The following GALNT5 variants were observed in gnomAD, a reference collection of about 807,000 sequenced individuals.
GALNT5 encodes the protein polypeptide N-acetylgalactosaminyltransferase 5, also known as UDP-GalNAc:polypeptide N-acetylgalactosaminyltransferase 5.
Under a neutral mutation model 85.4 loss-of-function variants are expected in GALNT5, and 72 were observed. The observed-to-expected ratio is 0.84, with a 90% confidence interval of 0.70 to 1.03. The LOEUF is 1.03. Ranked by LOEUF, GALNT5 falls within the 50% of genes least tolerant of loss-of-function variation. GALNT5 has a pLI of 0.00. For missense variants in GALNT5, 1,137 were observed against 1,135.5 expected, an observed-to-expected ratio of 1.00 and a Z score of -0.02; for synonymous variants, 404 against 397.0, an observed-to-expected ratio of 1.02 and a Z score of -0.21.
At position 157,257,986 on chromosome 2, in the gene GALNT5, T is replaced by TCTG. The variant is rs138788414; in HGVS notation, c.-73_-71dup. The stretch of plus-strand genomic sequence containing the variant: ...GGGGAGGGGGTCACTTTCTGGCAAC[T>TCTG]CTGCTGCTGCTGCTGCTGCTGCTGC... On this transcript the variant is annotated 5_prime_UTR_variant, in exon 1 of 10. Transcript: ENST00000259056. 2,358 of 1,319,854 alleles carry TCTG rather than the reference T, an allele frequency of 1.8e-3. 11 individuals are homozygous for TCTG. In the African/African-American group the frequency reaches 0.023, roughly 13 times the overall value. The allele number at this position is 1,319,854 out of a possible 1,614,324, so 81.8% of individuals were successfully genotyped here.
chr2:157,285,064 C>T (rs1682941456), intron 2 of GALNT5, among the ~76,000 whole-genome samples: 2 of 152,178 alleles, frequency 1.3e-5, no homozygotes, highest in African/African-American at 4.8e-5. Context: ...GGTCTGACAG[C>T]CACATTACAA....
intron 3 of GALNT5, among the ~76,000 whole-genome samples, chr2:157,294,624 G>C (rs1683170395): frequency 6.6e-6 from 1 of 152,050 alleles, no homozygotes. Context: ...CACACTGGCT[G>C]GGCACCAAGT....
At chr2:157,288,041 C>T (rs972873258) in intron 3 of GALNT5, among the ~76,000 whole-genome samples, 3 of 152,182 alleles carry the variant, frequency 2.0e-5, no homozygotes, top group Admixed American at 6.5e-5. Flanking sequence ...CCCCAGAGTC[C>T]GTCCTCTTAT....
chr2:157,292,481 G>C (rs1683121764), intron 3 of GALNT5, among the ~76,000 whole-genome samples: 3 of 152,228 alleles, frequency 2.0e-5, no homozygotes, highest in African/African-American at 7.2e-5. Flanking sequence ...AGCAGATGCT[G>C]CTTCCCTTAG....
chr2:157,316,422 C>A lies in GALNT5; in HGVS notation c.*5074C>A, dbSNP rs1236178964. Among the ~76,000 whole-genome samples the A allele has an allele frequency of 6.6e-6, 1 of 150,662 alleles. No individual in the cohort carries two copies. The highest frequency in any genetic ancestry group is 2.4e-5 in the African/African-American group (1 of 40,888). On this transcript the variant is annotated 3_prime_UTR_variant, in exon 10 of 10. Transcript: ENST00000259056. Reference sequence around the variant, plus strand: ...GTATTAATATTACCAACCCTTGATCCCTCCAACCTTTAATCAAAGCTAGCA... The same window carrying A: ...GTATTAATATTACCAACCCTTGATCACTCCAACCTTTAATCAAAGCTAGCA...
chr2:157,270,609 C>T (rs1682561888), intron 1 of GALNT5, among the ~76,000 whole-genome samples: 1 of 152,162 alleles, frequency 6.6e-6, no homozygotes, highest in South Asian at 2.1e-4. Flanking sequence ...GCTTTAAGTT[C>T]CATCTCATCT....
At chr2:157,297,390 G>C (rs1683237843) in intron 5 of GALNT5, among the ~76,000 whole-genome samples, 1 of 152,194 alleles carries the variant, frequency 6.6e-6, no homozygotes, top group African/African-American at 2.4e-5. Flanking sequence ...CTCTAGGAGG[G>C]AGGTGGAAGA....
Position 157,284,321 on chromosome 2 carries a change from C to T in GALNT5, c.1494C>T (p.Thr498=). 3 of 1,613,958 alleles carry T rather than the reference C, an allele frequency of 1.9e-6. No individual in the cohort carries two copies. Among genetic ancestry groups the T allele is most frequent in the Non-Finnish European group, 1.7e-6 (2 of 1,179,846 alleles). Residue 498 remains threonine, a synonymous_variant, in exon 2 of 10, where the codon ACC becomes ACT. Coordinates refer to ENST00000259056, the MANE Select transcript of GALNT5 (RefSeq NM_014568.3). The part of the protein sequence containing the change: ...EQLVHNNLPT[T]SVIMCFVDEV... Reference sequence around the variant, plus strand: ...TAGTTCACAATAACCTCCCAACCACCAGTGTCATCATGTGCTTTGTGGATG... The same window carrying T: ...TAGTTCACAATAACCTCCCAACCACTAGTGTCATCATGTGCTTTGTGGATG...
intron 1 of GALNT5, among the ~76,000 whole-genome samples, chr2:157,266,802 C>T (rs1228722842): frequency 6.6e-6 from 1 of 152,074 alleles, no homozygotes; most frequent in Non-Finnish European, 1.5e-5. Context: ...CCTTTGTTTC[C>T]TTATAGTCAT....
chr2:157,290,112 T>TATATATATATATATATATATAAACACAC (rs1416458086), intron 3 of GALNT5, among the ~76,000 whole-genome samples: 2 of 138,234 alleles, frequency 1.4e-5, no homozygotes, highest in African/African-American at 6.2e-5. Flanking sequence ...TATATATATA[T>TATATATATATATATATATATAAACACAC]ACATACACAA....
At position 157,311,944 on chromosome 2, in the gene GALNT5, A is replaced by G. The variant is rs1683582075; in HGVS notation, c.*596A>G. 1 of 152,144 alleles carries G rather than the reference A, an allele frequency of 6.6e-6. No homozygotes were observed. Among genetic ancestry groups the G allele is most frequent in the Non-Finnish European group, 1.5e-5 (1 of 68,024 alleles). The allele number at this position is 152,144 out of a possible 1,614,324, so 9.4% of individuals were successfully genotyped here. ...GGCAGCATTTTGATCTAAATTACAT[A>G]ATGGTTTTTCCCAATCTGAATCAGT... On this transcript the variant is annotated 3_prime_UTR_variant, in exon 10 of 10. Transcript: ENST00000259056.
At chr2:157,268,320 G>C (rs1243541945) in intron 1 of GALNT5, among the ~76,000 whole-genome samples, 1 of 152,156 alleles carries the variant, frequency 6.6e-6, no homozygotes, top group African/African-American at 2.4e-5. Flanking sequence ...AGGAGGGTGG[G>C]ACGCATCACT....
rs1010487748 is a variant in GALNT5, at chr2:157,313,452, T to G, written c.*2104T>G. The G allele has an allele frequency of 6.6e-6, 1 of 152,208 alleles. No homozygotes were observed. The highest frequency in any genetic ancestry group is 2.4e-5 in the African/African-American group (1 of 41,448). The allele number at this position is 152,208 out of a possible 1,614,324, so 9.4% of individuals were successfully genotyped here. ...TGTGTTATTAAATGATGCATGACTC[T>G]AATTCTTTTCAAAACAGAGCCATAT... On this transcript the variant is annotated 3_prime_UTR_variant, in exon 10 of 10. Coordinates refer to ENST00000259056, the MANE Select transcript of GALNT5 (RefSeq NM_014568.3).
chr2:157,285,103 A>C (rs1682942068), intron 2 of GALNT5, among the ~76,000 whole-genome samples: 1 of 152,188 alleles, frequency 6.6e-6, no homozygotes. Context: ...TTTTTCAGAA[A>C]AGTTTAGAAA....
intron 1 of GALNT5, among the ~76,000 whole-genome samples, chr2:157,273,203 C>T (rs10182523): frequency 1.3e-5 from 2 of 152,136 alleles, no homozygotes; most frequent in Non-Finnish European, 2.9e-5. Context: ...ACAAGAGATT[C>T]TGAGAATTAG....
chr2:157,317,106 A>C lies in GALNT5; in HGVS notation c.*5758A>C, dbSNP rs1302659816. On this transcript the variant is annotated 3_prime_UTR_variant, in exon 10 of 10. Coordinates refer to ENST00000259056, the MANE Select transcript of GALNT5 (RefSeq NM_014568.3). ...TAGATGTTAAATTAAAATTTTTCAT[A>C]GCATGAATAGATTTTTAAGTGACCA... Among the ~76,000 whole-genome samples the C allele has an allele frequency of 6.6e-6, 1 of 150,518 alleles. No homozygotes were observed. Among genetic ancestry groups the C allele is most frequent in the Non-Finnish European group, 1.5e-5 (1 of 67,612 alleles).
rs1477307161 is a variant in GALNT5 at position 157,300,559 on chromosome 2, T to C, written c.2116-117T>C. 5 of 738,782 alleles carry C rather than the reference T, an allele frequency of 6.8e-6. No homozygotes were observed. In the East Asian group the frequency reaches 1.3e-4, roughly 18 times the overall value. 45.8% of individuals were successfully genotyped at this position (738,782 alleles called of 1,614,324 possible). ...TTGATTTTCTATTGCAAAAGTGTTT[T>C]TGAAGTTGAGTATTACTTCAGGTAG... On this transcript the variant is annotated intron_variant, in intron 6 of 9. Transcript: ENST00000259056.
At chr2:157,272,402 G>A (rs149470421) in intron 1 of GALNT5, among the ~76,000 whole-genome samples, 5 of 152,194 alleles carry the variant, frequency 3.3e-5, no homozygotes, top group Admixed American at 6.5e-5. Context: ...TTTAGATTCA[G>A]GAAGTACATG....
chr2:157,268,686 C>T (rs561308460), intron 1 of GALNT5, among the ~76,000 whole-genome samples: 74 of 152,282 alleles, frequency 4.9e-4, no homozygotes, highest in African/African-American at 1.7e-3. Flanking sequence ...CTGTCCACCA[C>T]AGTAGTATGT....
Sources: gnomAD v4.1 joint callset for allele counts (sites outside exome capture counted in the v4.1 genomes callset) on GRCh38, gnomAD v4.1.1 for gene constraint, MANE v1.5 for transcripts, NCBI Gene and HGNC (gene_info 2026-07-23, HGNC 2026-07-21) for gene names.